CAMK2D: variants seen among roughly 807,000 people sequenced by gnomAD.
CAMK2D encodes the protein calcium/calmodulin dependent protein kinase II delta, also known as calcium/calmodulin-dependent protein kinase type II subunit delta.
Under a neutral mutation model 84.0 loss-of-function variants are expected in CAMK2D, and 37 were observed. The observed-to-expected ratio is 0.44, with a 90% CI of 0.34 to 0.58. The LOEUF is 0.58. CAMK2D is among the 20% of genes least tolerant of loss of function. CAMK2D has a pLI of 0.02. For synonymous variants in CAMK2D, 202 were observed against 212.5 expected (o/e 0.95, Z 0.43); for missense variants, 448 against 652.5 (o/e 0.69, Z 3.41).
intron 3 of CAMK2D, among the ~76,000 whole-genome samples, chr4:113,651,395 A>G (rs548964964): frequency 3.9e-5 from 6 of 152,174 alleles, no homozygotes; most frequent in African/African-American, 1.4e-4. Context: ...TGTGTAAATA[A>G]TAAGAATATG....
At chr4:113,493,549 G>A (rs1428868027) in intron 16 of CAMK2D, among the ~76,000 whole-genome samples, 6 of 152,094 alleles carry the variant, frequency 3.9e-5, no homozygotes, top group African/African-American at 1.2e-4. Context: ...AGGGTGACCC[G>A]ACCTTTCTCT....
intron 3 of CAMK2D, among the ~76,000 whole-genome samples, chr4:113,628,517 A>T (rs2099076820): frequency 6.6e-6 from 1 of 152,064 alleles, no homozygotes; most frequent in South Asian, 2.1e-4. Flanking sequence ...GTTTGAAGTG[A>T]TTTTGTTATC....
chr4:113,505,048 AGAAAATAG>A lies in CAMK2D; in HGVS notation c.985-21_985-14del. ...CTTTGTTGTTTATCTGTGGGTATGC[AGAAAATAG>A]AAACAGAGATGCCTTAAACCCCTTG... On this transcript the variant is annotated splice_polypyrimidine_tract_variant and intron_variant, in intron 13 of 20. Coordinates refer to ENST00000511664, the MANE Select transcript of CAMK2D (RefSeq NM_001321571.2). The A allele has an allele frequency of 6.5e-7, 1 of 1,549,466 alleles. No homozygotes were observed. The highest frequency in any genetic ancestry group is 8.7e-7 in the Non-Finnish European group (1 of 1,149,662).
rs74433599 is a variant in CAMK2D at position 113,737,873 on chromosome 4, T to C, written c.160+21447A>G. 8.9e-3 allele frequency among the ~76,000 whole-genome samples: 1,352 copies of C among 152,186 alleles called. 19 individuals carry two copies. Among genetic ancestry groups the C allele is most frequent in the African/African-American group, 0.031 (1,268 of 41,526 alleles). On this transcript the variant is annotated intron_variant, in intron 2 of 20. Transcript: ENST00000511664. ...CTCTCTAGTAAATGAGAATATGCAT[T>C]GGGAAAGAGTGAAGAGCTCTCATCT...
At chr4:113,670,175 T>C (rs2099274378) in intron 2 of CAMK2D, among the ~76,000 whole-genome samples, 1 of 152,002 alleles carries the variant, frequency 6.6e-6, no homozygotes, top group Non-Finnish European at 1.5e-5. Context: ...CCAGCTACTC[T>C]GGAGGCTGAG....
intron 16 of CAMK2D, among the ~76,000 whole-genome samples, chr4:113,466,017 C>T (rs979368492): frequency 1.3e-5 from 2 of 151,902 alleles, no homozygotes; most frequent in South Asian, 2.1e-4. Flanking sequence ...TTTGGGAGGC[C>T]GAGGTGGGCG....
intron 16 of CAMK2D, among the ~76,000 whole-genome samples, chr4:113,497,717 T>G (rs1180848582): frequency 6.6e-6 from 1 of 152,188 alleles, no homozygotes; most frequent in African/African-American, 2.4e-5. Flanking sequence ...TCCTTGGGGA[T>G]GGGGCAGAAT....
chr4:113,624,416 A>G (rs2099059202), intron 3 of CAMK2D, among the ~76,000 whole-genome samples: 2 of 152,238 alleles, frequency 1.3e-5, no homozygotes, highest in South Asian at 4.1e-4. Context: ...CAAATGGAAA[A>G]TAAGTATTTG....
intron 2 of CAMK2D, among the ~76,000 whole-genome samples, chr4:113,716,250 A>G (rs947506033): frequency 5.3e-5 from 8 of 152,188 alleles, no homozygotes; most frequent in African/African-American, 1.9e-4. Flanking sequence ...GTATTGTACA[A>G]AAAAAAGACA....
At chr4:113,509,489 A>G (rs944966221) in intron 13 of CAMK2D, 149 bp downstream of exon 13, 3 of 608,108 alleles carry the variant, frequency 4.9e-6, no homozygotes, top group African/African-American at 1.9e-5. Context: ...TCATCTTTGT[A>G]TATTAAATCA....
Position 113,744,644 on chromosome 4 carries a change from G to A in CAMK2D, c.160+14676C>T, listed in dbSNP as rs187025543. On this transcript the variant is annotated intron_variant, in intron 2 of 20. Coordinates refer to ENST00000511664, the MANE Select transcript of CAMK2D (RefSeq NM_001321571.2). ...TAGCATAGCTTCTACTATCTTCTCC[G>A]TGCAAATGAATCACAAAATTGATTA... Among the ~76,000 whole-genome samples, 59 of 151,820 alleles carry A rather than the reference G, an allele frequency of 3.9e-4. 1 individual carries two copies. In the Middle Eastern group the frequency reaches 0.014, roughly 35 times the overall value.
At chr4:113,490,972 T>C (rs1186365669) in intron 16 of CAMK2D, among the ~76,000 whole-genome samples, 1 of 82,060 alleles carries the variant, frequency 1.2e-5, no homozygotes, top group Non-Finnish European at 2.4e-5. Flanking sequence ...AGAATGCTTG[T>C]GATTTTTGTA....
chr4:113,646,014 G>C (rs760420788), intron 3 of CAMK2D, among the ~76,000 whole-genome samples: 4 of 152,206 alleles, frequency 2.6e-5, no homozygotes, highest in Admixed American at 1.3e-4. Context: ...GCTGACTCAT[G>C]TGGTTTGTTG....
intron 13 of CAMK2D, among the ~76,000 whole-genome samples, chr4:113,508,623 C>G (rs546977129): frequency 2.6e-5 from 4 of 152,238 alleles, no homozygotes; most frequent in African/African-American, 9.6e-5. Context: ...GACACAATTG[C>G]AGGCTGAGGA....
At chr4:113,481,325 A>G (rs1054527262) in intron 16 of CAMK2D, among the ~76,000 whole-genome samples, 10 of 152,192 alleles carry the variant, frequency 6.6e-5, no homozygotes, top group African/African-American at 2.4e-4. Flanking sequence ...GGCTATAAAC[A>G]AAACAGACAA....
rs566912624 is a variant in CAMK2D at position 113,653,897 on chromosome 4, T to C, written c.220+7816A>G. 2.3e-3 allele frequency among the ~76,000 whole-genome samples: 351 copies of C among 152,154 alleles called. 2 individuals are homozygous for C. Among genetic ancestry groups the C allele is most frequent in the Non-Finnish European group, 4.1e-3 (280 of 67,884 alleles). On this transcript the variant is annotated intron_variant, in intron 3 of 20. Transcript: ENST00000511664. ...GAGAAGGATAAAAAGGCAAAATTTA[T>C]GGTTAAAATCATCTGCTAAAGACAA...
chr4:113,626,031 A>C (rs1407921088), intron 3 of CAMK2D, among the ~76,000 whole-genome samples: 1 of 151,548 alleles, frequency 6.6e-6, no homozygotes, highest in Non-Finnish European at 1.5e-5. Flanking sequence ...AAAAAAAGTC[A>C]GGTAAAAGAT....
chr4:113,531,343 A>G (rs2098456802), intron 7 of CAMK2D, 44 bp from the exon 8 acceptor site: 1 of 975,350 alleles, frequency 1.0e-6, no homozygotes. Context: ...ATTTGACAAA[A>G]CAATATGAAA....
At position 113,523,796 on chromosome 4, in the gene CAMK2D, TAAACAAACAAAC is replaced by T. The variant is rs571041994; in HGVS notation, c.602-6151_602-6140del. Among the ~76,000 whole-genome samples the T allele has an allele frequency of 2.0e-4, 30 of 151,538 alleles. No homozygotes were observed. In the East Asian group the frequency reaches 5.6e-3, roughly 28 times the overall value. ...CGAAATAAATAAATAAATAAATAAA[TAAACAAACAAAC>T]AAATAAATAAATAATTAGTACATAA... On this transcript the variant is annotated intron_variant, in intron 8 of 20. Coordinates refer to ENST00000511664, the MANE Select transcript of CAMK2D (RefSeq NM_001321571.2).
Sources: gnomAD v4.1 joint callset for allele counts (sites outside exome capture counted in the v4.1 genomes callset) on GRCh38, gnomAD v4.1.1 for gene constraint, MANE v1.5 for transcripts, NCBI Gene and HGNC (gene_info 2026-07-23, HGNC 2026-07-21) for gene names.